Variants in CCDC178 observed in about 807,000 individuals in gnomAD.
CCDC178 encodes coiled-coil domain-containing protein 178.
CCDC178 carries 126 observed loss-of-function variants against 117.4 expected under a neutral mutation model. The ratio of observed to expected loss-of-function variants is 1.07; its 90% CI spans 0.93 to 1.24. CCDC178 has a LOEUF of 1.24. Among genes scored for constraint, CCDC178 ranks in the 50% most tolerant of loss-of-function variants. The pLI is 0.00. For missense variants in CCDC178, 1,030 were observed against 986.9 expected, an observed-to-expected ratio of 1.04 and a Z score of -0.59; for synonymous variants, 283 against 313.4, an observed-to-expected ratio of 0.90 and a Z score of 1.02.
chr18:33,314,496 C>T (rs2062391438), intron 11 of CCDC178, among the ~76,000 whole-genome samples: 1 of 151,994 alleles, frequency 6.6e-6, no homozygotes. Flanking sequence ...GAGAATAGTT[C>T]CACAAAGAAA....
At chr18:33,018,328 T>C (rs1172811663) in intron 21 of CCDC178, among the ~76,000 whole-genome samples, 2 of 152,022 alleles carry the variant, frequency 1.3e-5, no homozygotes, top group Non-Finnish European at 2.9e-5. Flanking sequence ...AGTGGAACTG[T>C]TATACATGTT....
chr18:33,354,095 T>G (rs771525172), intron 7 of CCDC178, among the ~76,000 whole-genome samples: 144 of 152,290 alleles, frequency 9.5e-4, no homozygotes, highest in Non-Finnish European at 1.6e-3. Flanking sequence ...TTCTGGCATT[T>G]AAATATGTCA....
intron 2 of CCDC178, among the ~76,000 whole-genome samples, 158 bp from the exon 3 acceptor site, chr18:33,412,268 C>T (rs558195616): frequency 5.3e-5 from 8 of 152,020 alleles, no homozygotes; most frequent in South Asian, 4.1e-4. Context: ...AGGACTATTA[C>T]GATCTCATTC....
intron 20 of CCDC178, among the ~76,000 whole-genome samples, chr18:33,118,217 A>G (rs557759489): frequency 2.6e-5 from 4 of 152,164 alleles, no homozygotes; most frequent in Admixed American, 1.3e-4. Flanking sequence ...CTCAGTTATG[A>G]TAACAACTAG....
At chr18:33,315,758 C>G (rs374894493) in intron 11 of CCDC178, among the ~76,000 whole-genome samples, 6 of 152,156 alleles carry the variant, frequency 3.9e-5, no homozygotes, top group African/African-American at 1.2e-4. Context: ...TTCCTGGCCT[C>G]TAGATGTTTA....
Position 33,293,149 on chromosome 18 carries a change from A to G in CCDC178, c.1176+10T>C, listed in dbSNP as rs1298493461. ...ATCAGTATTTTTTATTTCTAATATGAAAAACTCACCATTTTTGATAGAGAA... is the reference window on the plus strand; with the variant it reads ...ATCAGTATTTTTTATTTCTAATATGGAAAACTCACCATTTTTGATAGAGAA... On this transcript the variant is annotated intron_variant, in intron 12 of 22. Transcript: ENST00000383096. The G allele has an allele frequency of 1.3e-6, 2 of 1,528,768 alleles. No homozygotes were observed. Among genetic ancestry groups the G allele is most frequent in the Non-Finnish European group, 1.8e-6 (2 of 1,126,592 alleles). 94.7% of individuals were successfully genotyped at this position (1,528,768 alleles called of 1,614,324 possible). A position where few individuals can be genotyped will look rare whatever the true frequency, so the allele number is the denominator to read the frequency against.
intron 22 of CCDC178, among the ~76,000 whole-genome samples, chr18:32,968,289 C>T (rs1456390332): frequency 6.6e-6 from 1 of 151,928 alleles, no homozygotes; most frequent in Non-Finnish European, 1.5e-5. Context: ...ACATGATATC[C>T]TCCAGGTTCA....
intron 20 of CCDC178, among the ~76,000 whole-genome samples, chr18:33,156,692 A>G (rs569188356): frequency 2.4e-4 from 36 of 151,444 alleles, no homozygotes; most frequent in Non-Finnish European, 4.3e-4. Flanking sequence ...AGAAGTACTG[A>G]ATTGTTTCAG....
At chr18:33,195,969 A>T (rs2058925025) in intron 20 of CCDC178, among the ~76,000 whole-genome samples, 1 of 152,210 alleles carries the variant, frequency 6.6e-6, no homozygotes, top group African/African-American at 2.4e-5. Context: ...CCTAAAGAGC[A>T]GTCTGGCCTT....
intron 11 of CCDC178, among the ~76,000 whole-genome samples, chr18:33,313,355 C>G (rs1433912725): frequency 6.6e-6 from 1 of 152,190 alleles, no homozygotes; most frequent in Non-Finnish European, 1.5e-5. Context: ...ATAAAGCTGA[C>G]CTTATGTCAA....
intron 10 of CCDC178, among the ~76,000 whole-genome samples, chr18:33,324,444 A>G (rs2062558693): frequency 6.6e-6 from 1 of 151,932 alleles, no homozygotes. Context: ...GAATTTTCTG[A>G]GTCGTAAGGT....
chr18:33,161,415 A>C (rs1343690926), intron 20 of CCDC178, among the ~76,000 whole-genome samples: 1 of 152,070 alleles, frequency 6.6e-6, no homozygotes, highest in African/African-American at 2.4e-5. Flanking sequence ...TACACAATAT[A>C]TGAAAAGGCC....
chr18:33,303,546 G>A (rs896958010), intron 11 of CCDC178, among the ~76,000 whole-genome samples: 23 of 152,228 alleles, frequency 1.5e-4, no homozygotes, highest in Middle Eastern at 3.4e-3. Flanking sequence ...TGTACCACTT[G>A]GATGTGGGAT....
intron 11 of CCDC178, among the ~76,000 whole-genome samples, chr18:33,305,739 T>C (rs570265393): frequency 6.6e-6 from 1 of 152,216 alleles, no homozygotes; most frequent in African/African-American, 2.4e-5. Context: ...AAATACTTCC[T>C]CCCCCTCCTC....
chr18:33,341,760 T>C (rs2062820013), intron 9 of CCDC178, among the ~76,000 whole-genome samples: 1 of 152,148 alleles, frequency 6.6e-6, no homozygotes, highest in Non-Finnish European at 1.5e-5. Context: ...TCCCTGGCCA[T>C]GTAGAACTGT....
intron 21 of CCDC178, among the ~76,000 whole-genome samples, chr18:33,051,802 A>G (rs1022631923): frequency 1.3e-5 from 2 of 152,218 alleles, no homozygotes; most frequent in East Asian, 3.8e-4. Flanking sequence ...AAATTTACCA[A>G]TGTATTTTAT....
chr18:33,290,643 A>C (rs1280686790), intron 12 of CCDC178, among the ~76,000 whole-genome samples: 1 of 152,158 alleles, frequency 6.6e-6, no homozygotes, highest in East Asian at 1.9e-4. Flanking sequence ...AGAATCAAGA[A>C]AAGCCTAGAA....
chr18:33,163,739 T>A (rs2058494030), intron 20 of CCDC178, among the ~76,000 whole-genome samples: 1 of 152,206 alleles, frequency 6.6e-6, no homozygotes, highest in African/African-American at 2.4e-5. Flanking sequence ...ACTAATCACA[T>A]CAATTAAAAG....
intron 20 of CCDC178, among the ~76,000 whole-genome samples, chr18:33,157,709 T>A (rs1465367934): frequency 6.6e-6 from 1 of 152,168 alleles, no homozygotes; most frequent in African/African-American, 2.4e-5. Context: ...AGTAGCATCC[T>A]ATATTGATTT....
Sources: allele counts gnomAD v4.1 joint callset (sites outside exome capture counted in the v4.1 genomes callset), GRCh38; gene constraint gnomAD v4.1.1; transcripts MANE v1.5; gene names NCBI Gene and HGNC (gene_info 2026-07-23, HGNC 2026-07-21).